The following KLC1 variants were observed in gnomAD, a reference collection of about 807,000 sequenced individuals.
KLC1 encodes the protein kinesin 2 60/70kDa.
KLC1 carries 30 observed loss-of-function variants against 84.2 expected under a neutral mutation model. The observed-to-expected ratio is 0.36, with a 90% CI of 0.27 to 0.48. The LOEUF is 0.48. Among genes scored for constraint, KLC1 ranks in the 20% least tolerant of loss-of-function variants. KLC1 has a pLI of 0.99. For synonymous variants in KLC1, 289 were observed against 293.3 expected (o/e 0.99, Z 0.15); for missense variants, 499 against 805.4 (o/e 0.62, Z 4.60).
chr14:103,662,775 G>C lies in KLC1; in HGVS notation c.645G>C (p.Thr215=), dbSNP rs577979884. The C allele has an allele frequency of 6.2e-7, 1 of 1,611,784 alleles. No homozygotes were observed. Among genetic ancestry groups the C allele is most frequent in the Non-Finnish European group, 8.5e-7 (1 of 1,179,550 alleles). ...GGYEIPARLR[T]LHNLVIQYAS... ...ACGAGATCCCCGCGCGGCTGCGGACGCTCCACAACCTGGTGATCCAGTACG... is the reference window on the plus strand; with the variant it reads ...ACGAGATCCCCGCGCGGCTGCGGACCCTCCACAACCTGGTGATCCAGTACG... Residue 215 remains threonine, a synonymous_variant, in exon 5 of 17, where the codon ACG becomes ACC. Coordinates refer to ENST00000334553, the MANE Select transcript of KLC1 (RefSeq NM_001394837.1).
chr14:103,658,222 A>T (rs1050015016), intron 3 of KLC1, among the ~76,000 whole-genome samples: 1 of 151,938 alleles, frequency 6.6e-6, no homozygotes, highest in African/African-American at 2.4e-5. Context: ...TTGCCAGCTT[A>T]TCTTTCTGTA....
rs1595516749 is a variant in KLC1, at chr14:103,679,254, C to T, written c.1489-130C>T. On this transcript the variant is annotated intron_variant, in intron 12 of 16. Coordinates refer to ENST00000334553, the MANE Select transcript of KLC1 (RefSeq NM_001394837.1). ...CCCTCACCCCCTCCAAGGAACCACT[C>T]TTCCAATGTTTTTCCCTCCAGTGAT... 20 of 1,254,422 alleles carry T rather than the reference C, an allele frequency of 1.6e-5. No individual in the cohort carries two copies. In the East Asian group the frequency reaches 4.7e-4, roughly 29 times the overall value. The allele number at this position is 1,254,422 out of a possible 1,614,324, so 77.7% of individuals were successfully genotyped here. A position where few individuals can be genotyped will look rare whatever the true frequency, so the allele number is the denominator to read the frequency against.
At chr14:103,698,768 A>T in intron 15 of KLC1, 1 of 1,562,960 alleles carries the variant, frequency 6.4e-7, no homozygotes, top group South Asian at 1.2e-5. Flanking sequence ...GGGGCTTCTC[A>T]GGCAGGGCTG....
At position 103,660,100 on chromosome 14, in the gene KLC1, GT is replaced by G. The variant is rs540450551; in HGVS notation, c.493-2013del. 2.9e-3 allele frequency among the ~76,000 whole-genome samples: 439 copies of G among 152,248 alleles called. 2 individuals are homozygous for G. The highest frequency in any genetic ancestry group is 0.01 in the African/African-American group (418 of 41,538). Reference sequence around the variant, plus strand: ...AACATAGGAATTTGGGGAGAACACAGTTTAGTTGACAGCATGCTATTTCAAA... The same window carrying G: ...AACATAGGAATTTGGGGAGAACACAGTTAGTTGACAGCATGCTATTTCAAA... On this transcript the variant is annotated intron_variant, in intron 3 of 16. Transcript: ENST00000334553.
intron 13 of KLC1, among the ~76,000 whole-genome samples, chr14:103,682,092 C>T (rs751853361): frequency 4.6e-5 from 7 of 151,960 alleles, no homozygotes; most frequent in South Asian, 2.1e-4. Context: ...TATACCTTGC[C>T]GGGCGCGGTG....
At chr14:103,669,475 A>G (rs1333090805) in intron 5 of KLC1, 36 bp from the exon 6 acceptor site, 3 of 1,190,866 alleles carry the variant, frequency 2.5e-6, no homozygotes, top group Admixed American at 1.8e-5. Flanking sequence ...GTAGTGATCT[A>G]CATCTGAAAC....
intron 2 of KLC1, among the ~76,000 whole-genome samples, chr14:103,655,648 G>A (rs1010817600): frequency 5.3e-5 from 8 of 151,622 alleles, no homozygotes; most frequent in African/African-American, 1.5e-4. Flanking sequence ...TGCTCTCGCC[G>A]CCCAGGCTGG....
At chr14:103,699,521 A>G (rs776568196) in intron 15 of KLC1, 2 of 1,613,368 alleles carry the variant, frequency 1.2e-6, no homozygotes, top group Non-Finnish European at 1.7e-6. Flanking sequence ...CAGGCGAGCC[A>G]TGCCCCGAGA....
At chr14:103,648,248 C>G (rs750749187) in intron 1 of KLC1, among the ~76,000 whole-genome samples, 1 of 152,140 alleles carries the variant, frequency 6.6e-6, no homozygotes, top group South Asian at 2.1e-4. Flanking sequence ...CGCGCCCAGC[C>G]TGTATTGTTT....
intron 1 of KLC1, among the ~76,000 whole-genome samples, chr14:103,641,154 C>T (rs754702254): frequency 1.3e-5 from 2 of 151,974 alleles, no homozygotes; most frequent in South Asian, 2.1e-4. Context: ...CGAACTCCTG[C>T]CCTTAAGTGA....
chr14:103,696,478 C>T (rs2082531055), intron 15 of KLC1: 1 of 985,146 alleles, frequency 1.0e-6, no homozygotes, highest in Non-Finnish European at 1.2e-6. Flanking sequence ...TGTATCGTTA[C>T]AATGTATAAC....
Position 103,679,552 on chromosome 14 carries a change from A to C in KLC1, c.1650+7A>C, listed in dbSNP as rs775616744. The C allele has an allele frequency of 2.5e-5, 41 of 1,610,130 alleles. No homozygotes were observed. The highest frequency in any genetic ancestry group is 8.5e-7 in the Non-Finnish European group (1 of 1,176,678). On this transcript the variant is annotated splice_region_variant and intron_variant, in intron 13 of 16. Transcript: ENST00000334553. The stretch of plus-strand genomic sequence containing the variant: ...GAGCGTAGAGTGGAACGGGGTAAGT[A>C]CAGTACACAGCGGGCACGTGCTCCG...
At chr14:103,649,290 A>G (rs567403552) in intron 1 of KLC1, among the ~76,000 whole-genome samples, 25 of 152,194 alleles carry the variant, frequency 1.6e-4, no homozygotes, top group Non-Finnish European at 2.6e-4. Context: ...AAACATGAAA[A>G]CCACAATACT....
At chr14:103,653,660 A>G (rs1467056573) in intron 1 of KLC1, among the ~76,000 whole-genome samples, 1 of 152,220 alleles carries the variant, frequency 6.6e-6, no homozygotes, top group Non-Finnish European at 1.5e-5. Context: ...TCAAGGTGAC[A>G]TTAGACACTT....
intron 2 of KLC1, among the ~76,000 whole-genome samples, chr14:103,656,321 C>T (rs1417804858): frequency 2.0e-5 from 3 of 152,172 alleles, no homozygotes; most frequent in Admixed American, 6.5e-5. Flanking sequence ...TCTCTGCAAT[C>T]CCAGGGCCAG....
chr14:103,644,214 CA>C (rs376316737), intron 1 of KLC1, among the ~76,000 whole-genome samples: 112 of 59,092 alleles, frequency 1.9e-3, no homozygotes, highest in East Asian at 8.3e-3. Flanking sequence ...GACTCTGTCT[CA>C]AAAAAAAAAA....
chr14:103,675,056 C>A (rs1442283978), intron 9 of KLC1, among the ~76,000 whole-genome samples: 2 of 152,148 alleles, frequency 1.3e-5, no homozygotes, highest in Non-Finnish European at 2.9e-5. Flanking sequence ...AGGCTGGGCG[C>A]GGTGGCTCAC....
At chr14:103,684,183 C>T (rs577594064) in intron 13 of KLC1, among the ~76,000 whole-genome samples, 1 of 152,176 alleles carries the variant, frequency 6.6e-6, no homozygotes, top group Admixed American at 6.5e-5. Flanking sequence ...TCTCAAATTA[C>T]ACTAGTAAGA....
At chr14:103,687,288 T>C (rs2081838306) in intron 14 of KLC1, 77 bp downstream of exon 14, 4 of 1,399,162 alleles carry the variant, frequency 2.9e-6, no homozygotes, top group East Asian at 5.6e-5. Context: ...GCAGCCTTCC[T>C]CACCCACAGA....
Sources: gnomAD v4.1 joint callset for allele counts (sites outside exome capture counted in the v4.1 genomes callset) on GRCh38, gnomAD v4.1.1 for gene constraint, MANE v1.5 for transcripts, NCBI Gene and HGNC (gene_info 2026-07-23, HGNC 2026-07-21) for gene names.